The following ODF2 variants were observed in gnomAD, a reference collection of about 807,000 sequenced individuals.
ODF2 encodes outer dense fiber of sperm tails 2.
In ODF2, 47 loss-of-function variants were observed where a neutral mutation model predicts 110.2. That is an observed-to-expected ratio of 0.43 (90% CI 0.34 to 0.54). ODF2 has a LOEUF of 0.54. Ranked by LOEUF, ODF2 falls within the 20% of genes least tolerant of loss-of-function variation. The pLI is 0.03. For missense variants in ODF2, 812 were observed against 1,054.5 expected, an observed-to-expected ratio of 0.77 and a Z score of 3.19; for synonymous variants, 352 against 397.7, an observed-to-expected ratio of 0.89 and a Z score of 1.37.
At chr9:128,482,028 C>T (rs1842498367) in intron 9 of ODF2, among the ~76,000 whole-genome samples, 1 of 152,212 alleles carries the variant, frequency 6.6e-6, no homozygotes, top group Non-Finnish European at 1.5e-5. Flanking sequence ...CCCAAAGCAG[C>T]ATGTTCCAAA....
At chr9:128,479,500 C>T (rs1035703374) in intron 8 of ODF2, among the ~76,000 whole-genome samples, 2 of 152,174 alleles carry the variant, frequency 1.3e-5, no homozygotes, top group African/African-American at 2.4e-5. Context: ...CTGCCTGGTA[C>T]TGGTGAGTGC....
At chr9:128,469,760 G>A (rs564444628) in intron 5 of ODF2, among the ~76,000 whole-genome samples, 9 of 150,832 alleles carry the variant, frequency 6.0e-5, no homozygotes, top group East Asian at 2.0e-4. Flanking sequence ...TTTGGGAGGC[G>A]GATCCCCTGA....
At chr9:128,472,997 C>A in exon 7 of ODF2, 1 of 1,614,080 alleles carries the variant, frequency 6.2e-7, no homozygotes. Context: ...CTGCGGCTGC[C>A]AAGCAGGTCA....
rs1843133135 is a variant in ODF2 at position 128,485,210 on chromosome 9, C to T, written c.1291-155C>T. The stretch of plus-strand genomic sequence containing the variant: ...GAAATCTGGGAGCACTAGCTGGGCT[C>T]CCACTGTTGCTTCCAGCGCCCTCTA... On this transcript the variant is annotated intron_variant, in intron 12 of 20. Coordinates refer to ENST00000604420, the Ensembl canonical transcript of ODF2. The surrounding 1 kb of genome is among the most constrained non-coding windows in gnomAD (Gnocchi z 5.0). Among the ~76,000 whole-genome samples, 1 of 152,080 alleles carries T rather than the reference C, an allele frequency of 6.6e-6. No individual in the cohort carries two copies. The highest frequency in any genetic ancestry group is 1.9e-4 in the East Asian group (1 of 5,194).
chr9:128,460,566 A>T, intron 3 of ODF2: 2 of 1,613,760 alleles, frequency 1.2e-6, no homozygotes, highest in Non-Finnish European at 1.7e-6. Flanking sequence ...ACCATGAAGG[A>T]CCGCTCTTCA....
intron 20 of ODF2, among the ~76,000 whole-genome samples, chr9:128,499,487 G>A (rs532979022): frequency 6.6e-6 from 1 of 152,224 alleles, no homozygotes; most frequent in Non-Finnish European, 1.5e-5. Context: ...TAGAGATGGG[G>A]TTTCGCCATG....
At chr9:128,456,244 G>C (rs952871446) in exon 1 of ODF2, 4 of 1,544,780 alleles carry the variant, frequency 2.6e-6, no homozygotes, top group African/African-American at 2.8e-5. Context: ...GGGCGCAGCC[G>C]TGTCGCTCCT....
intron 14 of ODF2, among the ~76,000 whole-genome samples, chr9:128,489,671 T>C (rs923154889): frequency 1.3e-5 from 2 of 152,240 alleles, no homozygotes; most frequent in African/African-American, 4.8e-5. Context: ...ATAGTGTTGC[T>C]GTGAACATCT....
At position 128,481,655 on chromosome 9, in the gene ODF2, A is replaced by G; in HGVS notation, c.915+4A>G. 6.2e-7 allele frequency: 1 copy of G among 1,613,164 alleles called. No individual in the cohort carries two copies. Among genetic ancestry groups the G allele is most frequent in the Non-Finnish European group, 8.5e-7 (1 of 1,179,284 alleles). ...GGAGGCCGACTCAGAGAAAGCGGTA[A>G]CTAAGGCTGCCCTTGTCTACTCTAG... On this transcript the variant is annotated splice_donor_region_variant and intron_variant, in intron 9 of 20. Coordinates refer to ENST00000604420, the Ensembl canonical transcript of ODF2.
chr9:128,496,061 G>A, exon 18 of ODF2: 2 of 1,613,898 alleles, frequency 1.2e-6, no homozygotes, highest in Non-Finnish European at 1.7e-6. Flanking sequence ...AGGGGGACAA[G>A]CTGGAGATGG....
chr9:128,500,265 T>C lies in ODF2; in HGVS notation c.*10T>C, dbSNP rs193073367. On this transcript the variant is annotated 3_prime_UTR_variant, in exon 21 of 21. Coordinates refer to ENST00000604420, the Ensembl canonical transcript of ODF2. ...ATCTCCTCCTGCCTGAGGCCACTTA[T>C]CAGGGCCTGGAGCCCTGATGGAAGC... is the stretch of plus-strand genomic sequence containing the variant. 167 of 1,613,814 alleles carry C rather than the reference T, an allele frequency of 1.0e-4. 4 individuals carry two copies. In the Admixed American group the frequency reaches 2.0e-3, roughly 20 times the overall value.
intron 20 of ODF2, 99 bp downstream of exon 20, chr9:128,499,225 A>C: frequency 1.4e-6 from 2 of 1,419,348 alleles, no homozygotes; most frequent in Non-Finnish European, 9.7e-7. Context: ...GTTTTTGTGA[A>C]TATGACATGG....
intron 4 of ODF2, among the ~76,000 whole-genome samples, chr9:128,466,703 C>A (rs956053359): frequency 6.7e-6 from 1 of 149,082 alleles, no homozygotes; most frequent in African/African-American, 2.5e-5. Flanking sequence ...TGTGGCCGGG[C>A]GTGGTGGCTC....
chr9:128,494,634 A>G lies in ODF2; in HGVS notation c.1877A>G (p.Asp626Gly). The G allele has an allele frequency of 6.2e-7, 1 of 1,614,088 alleles. No homozygotes were observed. Among genetic ancestry groups the G allele is most frequent in the Non-Finnish European group, 8.5e-7 (1 of 1,180,006 alleles). Reference sequence around the variant, plus strand: ...CAGGGCTATGAGCGGAAGAACATCGACCTCACAGCCATCATATCAGACCTG... The same window carrying G: ...CAGGGCTATGAGCGGAAGAACATCGGCCTCACAGCCATCATATCAGACCTG... Residue 626 changes from aspartate (D) to glycine (G), a missense_variant, in exon 17 of 21, where the codon GAC becomes GGC. By Grantham distance (94) the Asp-to-Gly change is moderately conservative. Transcript: ENST00000604420. This position sits in a 1 kb window ranked among gnomAD's most constrained non-coding sequence, Gnocchi z 4.6.
At chr9:128,459,097 G>T (rs576319651) in intron 2 of ODF2, among the ~76,000 whole-genome samples, 34 of 152,242 alleles carry the variant, frequency 2.2e-4, no homozygotes, top group Admixed American at 5.9e-4. Context: ...TGCCTGCCTT[G>T]GCCTCCAAAA....
chr9:128,493,366 CAA>C (rs1057281622), intron 16 of ODF2, among the ~76,000 whole-genome samples: 2 of 152,186 alleles, frequency 1.3e-5, no homozygotes, highest in Admixed American at 6.5e-5. Flanking sequence ...GCCTGGGCAA[CAA>C]GAGTAAATAC....
intron 4 of ODF2, among the ~76,000 whole-genome samples, chr9:128,463,986 A>G (rs1019913127): frequency 6.6e-6 from 1 of 151,806 alleles, no homozygotes; most frequent in Non-Finnish European, 1.5e-5. Context: ...CTGGGATTAC[A>G]GGCACGCACC....
In ODF2 at chr9:128,472,965, G is replaced by T. The variant is rs776659418; in HGVS notation, c.634G>T (p.Val212Leu). The T allele has an allele frequency of 2.5e-6, 4 of 1,614,024 alleles. No homozygotes were observed. The African/African-American group carries it at 5.3e-5, about 22-fold the overall frequency. Residue 212 changes from valine (V) to leucine (L), a missense_variant, in exon 7 of 21, where the codon GTG becomes TTG. Val to Leu is a conservative substitution (Grantham distance 32). Around this residue, in one of 5 missense-constraint regions of ODF2, gnomAD observed 219 missense variants for 321.3 expected, o/e 0.68. Coordinates refer to ENST00000604420, the Ensembl canonical transcript of ODF2. Reference sequence around the variant, plus strand: ...GAAGGAGTGCCTCATGTCCAAGCTGGTGGAGGCGGAAATGGATGGGGCTGC... The same window carrying T: ...GAAGGAGTGCCTCATGTCCAAGCTGTTGGAGGCGGAAATGGATGGGGCTGC...
intron 18 of ODF2, chr9:128,497,620 G>T (rs1375415765): frequency 6.6e-6 from 1 of 151,040 alleles, no homozygotes; most frequent in African/African-American, 2.4e-5. Flanking sequence ...CTCCAGCCTG[G>T]GCGAAAGAGC....
Sources: allele counts gnomAD v4.1 joint callset (sites outside exome capture counted in the v4.1 genomes callset), GRCh38; gene constraint gnomAD v4.1.1; regional missense constraint gnomAD v4.1.1; non-coding constraint Gnocchi (gnomAD v3.1); transcripts MANE v1.5; gene names NCBI Gene and HGNC (gene_info 2026-07-23, HGNC 2026-07-21).